The following NXPE2 variants were observed in gnomAD, a reference collection of about 807,000 sequenced individuals.
NXPE2 encodes neurexophilin and PC-esterase domain family member 2.
A neutral mutation model predicts 34.4 loss-of-function variants in NXPE2; 34 were observed. The ratio of observed to expected loss-of-function variants is 0.99; its 90% CI spans 0.75 to 1.31. NXPE2 has a LOEUF of 1.31. Among genes scored for constraint, NXPE2 ranks in the 40% most tolerant of loss-of-function variants. The pLI, the probability that NXPE2 is intolerant of heterozygous loss-of-function variation, is 0.00. For missense variants in NXPE2, 649 were observed against 672.5 expected (o/e 0.97, Z 0.39); for synonymous variants, 235 against 231.3 (o/e 1.02, Z -0.15).
the NXPE2 span, among the ~76,000 whole-genome samples, chr11:114,515,637 G>T: frequency 6.6e-6 from 1 of 152,154 alleles, no homozygotes; most frequent in Non-Finnish European, 1.5e-5. Flanking sequence ...CCTAGCATTC[G>T]ATCTATTTTT....
the NXPE2 span, among the ~76,000 whole-genome samples, chr11:114,734,596 C>G: frequency 6.6e-6 from 1 of 152,090 alleles, no homozygotes; most frequent in Admixed American, 6.6e-5. Flanking sequence ...AAAGCTATGG[C>G]TATCAACAGA....
chr11:114,641,978 C>G, the NXPE2 span, among the ~76,000 whole-genome samples: 5 of 151,916 alleles, frequency 3.3e-5, no homozygotes, highest in Non-Finnish European at 5.9e-5. Flanking sequence ...TATAACAACA[C>G]AATTGATGAG....
the NXPE2 span, among the ~76,000 whole-genome samples, chr11:114,806,536 C>T: frequency 2.6e-5 from 4 of 152,118 alleles, no homozygotes; most frequent in Admixed American, 2.0e-4. Context: ...GGCACGAGAG[C>T]TACATGACGA....
At chr11:114,780,459 A>G in the NXPE2 span, among the ~76,000 whole-genome samples, 1 of 152,238 alleles carries the variant, frequency 6.6e-6, no homozygotes, top group Non-Finnish European at 1.5e-5. Flanking sequence ...TAGAAGAGTT[A>G]GGAAGGTCGT....
chr11:114,492,050 C>A, the NXPE2 span, among the ~76,000 whole-genome samples: 1 of 151,952 alleles, frequency 6.6e-6, no homozygotes, highest in Non-Finnish European at 1.5e-5. Flanking sequence ...AGGAGATATA[C>A]CTAATGCTAA....
chr11:114,476,528 A>G, the NXPE2 span, among the ~76,000 whole-genome samples: 1 of 152,236 alleles, frequency 6.6e-6, no homozygotes, highest in Non-Finnish European at 1.5e-5. Context: ...TATAAAGGAA[A>G]GAGGTTTGTT....
At chr11:114,516,671 A>T in the NXPE2 span, among the ~76,000 whole-genome samples, 2 of 152,298 alleles carry the variant, frequency 1.3e-5, no homozygotes, top group African/African-American at 4.8e-5. Flanking sequence ...TTATTTTACA[A>T]ATCATCTTAT....
the NXPE2 span, among the ~76,000 whole-genome samples, chr11:114,637,041 C>T: frequency 6.6e-6 from 1 of 152,042 alleles, no homozygotes; most frequent in Non-Finnish European, 1.5e-5. Flanking sequence ...TCTCATTGAT[C>T]TGTCTAATGT....
At chr11:114,489,851 T>C in the NXPE2 span, among the ~76,000 whole-genome samples, 1 of 152,212 alleles carries the variant, frequency 6.6e-6, no homozygotes, top group Non-Finnish European at 1.5e-5. Context: ...TTGGAAGTTC[T>C]GGCCAGGGCA....
chr11:114,665,214 G>T, the NXPE2 span, among the ~76,000 whole-genome samples: 1 of 152,010 alleles, frequency 6.6e-6, no homozygotes, highest in African/African-American at 2.4e-5. Flanking sequence ...ATCTATTTAA[G>T]ATAAATTCAA....
At chr11:114,782,311 T>C in the NXPE2 span, among the ~76,000 whole-genome samples, 1 of 152,340 alleles carries the variant, frequency 6.6e-6, no homozygotes, top group South Asian at 2.1e-4. Context: ...ACCTGTGCTC[T>C]TTCTGTCTTG....
the NXPE2 span, chr11:114,551,049 T>C: frequency 4.1e-6 from 4 of 976,680 alleles, no homozygotes; most frequent in Non-Finnish European, 6.3e-6. Context: ...TTGAGGCACG[T>C]CACACAGGTG....
chr11:114,651,470 G>A, the NXPE2 span, among the ~76,000 whole-genome samples: 1 of 152,198 alleles, frequency 6.6e-6, no homozygotes, highest in Non-Finnish European at 1.5e-5. Flanking sequence ...CAAAGAGTAA[G>A]CAGCAGCAAG....
the NXPE2 span, among the ~76,000 whole-genome samples, chr11:114,486,576 C>A: frequency 6.6e-6 from 1 of 152,110 alleles, no homozygotes; most frequent in Non-Finnish European, 1.5e-5. Flanking sequence ...CTTGACTACT[C>A]CAGTGTCCTG....
At chr11:114,761,718 C>T in the NXPE2 span, among the ~76,000 whole-genome samples, 2 of 151,534 alleles carry the variant, frequency 1.3e-5, no homozygotes, top group Admixed American at 1.3e-4. Context: ...GGACTACAGG[C>T]GCCCGCCACC....
the NXPE2 span, among the ~76,000 whole-genome samples, chr11:114,807,494 A>C: frequency 2.0e-5 from 3 of 151,926 alleles, no homozygotes; most frequent in Non-Finnish European, 4.4e-5. Context: ...GGGATGGAGG[A>C]AGATCTACCA....
the NXPE2 span, among the ~76,000 whole-genome samples, chr11:114,508,529 T>A: frequency 3.3e-5 from 5 of 152,330 alleles, no homozygotes; most frequent in Admixed American, 3.3e-4. Context: ...AGCAAGGTAT[T>A]GGTATAAGAA....
the NXPE2 span, among the ~76,000 whole-genome samples, chr11:114,565,390 A>T: frequency 6.6e-4 from 101 of 152,340 alleles, no homozygotes; most frequent in South Asian, 3.1e-3. Flanking sequence ...ATTGTATTTT[A>T]TTTAACAGGT....
the NXPE2 span, among the ~76,000 whole-genome samples, chr11:114,622,671 TAATA>T: frequency 1.3e-5 from 2 of 152,138 alleles, no homozygotes; most frequent in East Asian, 3.9e-4. Flanking sequence ...ACCCGGTGGA[TAATA>T]AATGTTGCCT....
Sources: gnomAD v4.1 joint callset for allele counts (sites outside exome capture counted in the v4.1 genomes callset) on GRCh38, gnomAD v4.1.1 for gene constraint, MANE v1.5 for transcripts, NCBI Gene and HGNC (gene_info 2026-07-23, HGNC 2026-07-21) for gene names.